The following CCDC60 variants were observed in gnomAD, a reference collection of about 807,000 sequenced individuals.
CCDC60 encodes the protein coiled-coil domain-containing protein 60.
In CCDC60, 54 loss-of-function variants were observed where a neutral mutation model predicts 63.5. The ratio of observed to expected loss-of-function variants is 0.85; its 90% CI spans 0.68 to 1.07. CCDC60 has a LOEUF of 1.07. Among genes scored for constraint, CCDC60 ranks in the 50% least tolerant of loss-of-function variants. The pLI is 0.00. For synonymous variants in CCDC60, 206 were observed against 238.8 expected, an observed-to-expected ratio of 0.86 and a Z score of 1.27; for missense variants, 651 against 684.3, an observed-to-expected ratio of 0.95 and a Z score of 0.54.
chr12:119,521,321 C>T (rs1043996293), intron 9 of CCDC60, among the ~76,000 whole-genome samples: 1 of 152,150 alleles, frequency 6.6e-6, no homozygotes, highest in African/African-American at 2.4e-5. Context: ...TCATGGACCC[C>T]TTGAATTCTA....
intron 1 of CCDC60, among the ~76,000 whole-genome samples, chr12:119,399,027 G>A (rs1956338772): frequency 6.6e-6 from 1 of 152,212 alleles, no homozygotes; most frequent in South Asian, 2.1e-4. Flanking sequence ...GAGTCACACA[G>A]TGATGACAGT....
intron 2 of CCDC60, among the ~76,000 whole-genome samples, chr12:119,444,311 T>C (rs115849025): frequency 1.3e-3 from 193 of 152,346 alleles, no homozygotes; most frequent in African/African-American, 4.4e-3. Context: ...TACTATTTAT[T>C]AGAAGTAGAG....
Position 119,507,610 on chromosome 12 carries a change from A to AT in CCDC60, c.883+2308dup, listed in dbSNP as rs1352840585. On this transcript the variant is annotated intron_variant, in intron 7 of 13. Transcript: ENST00000327554. ...TATATACATATATATATATATATAT[A>AT]TATATTTTTTTTTTTTTTTTCTAGA... Among the ~76,000 whole-genome samples the AT allele has an allele frequency of 1.7e-3, 58 of 34,726 alleles. 1 individual carries two copies. Among genetic ancestry groups the AT allele is most frequent in the Non-Finnish European group, 2.2e-3 (41 of 19,014 alleles). The allele number at this position is 34,726 out of a possible 152,430, so 22.8% of individuals were successfully genotyped here.
At chr12:119,459,906 A>C (rs1950824393) in intron 2 of CCDC60, among the ~76,000 whole-genome samples, 1 of 152,220 alleles carries the variant, frequency 6.6e-6, no homozygotes, top group African/African-American at 2.4e-5. Context: ...CTGTCCTTCC[A>C]CTTAGCTGAC....
At chr12:119,393,941 G>A (rs1956205430) in intron 1 of CCDC60, among the ~76,000 whole-genome samples, 1 of 152,210 alleles carries the variant, frequency 6.6e-6, no homozygotes, top group African/African-American at 2.4e-5. Context: ...GTTTGGTGTT[G>A]TAAAACAGTG....
chr12:119,344,836 T>TCTCTC (rs1955570756), intron 1 of CCDC60, among the ~76,000 whole-genome samples: 7 of 107,866 alleles, frequency 6.5e-5, no homozygotes, highest in African/African-American at 2.5e-4. Context: ...CTCTCTCTCT[T>TCTCTC]TCTCTCTCTC....
At position 119,455,357 on chromosome 12, in the gene CCDC60, A is replaced by G. The variant is rs1350976288; in HGVS notation, c.171-16637A>G. ...AGACAGTAAGAAAGGCAGACAAGTC[A>G]ATCAGCAATCACCATGTAGTGTGCT... is the stretch of plus-strand genomic sequence containing the variant. On this transcript the variant is annotated intron_variant, in intron 2 of 13. Coordinates refer to ENST00000327554, the MANE Select transcript of CCDC60 (RefSeq NM_178499.5). Among the ~76,000 whole-genome samples, 3 of 152,228 alleles carry G rather than the reference A, an allele frequency of 2.0e-5. No homozygotes were observed. The East Asian group carries it at 5.8e-4, about 29-fold the overall frequency.
chr12:119,389,788 G>GCA (rs142089063), intron 1 of CCDC60, among the ~76,000 whole-genome samples: 7 of 151,252 alleles, frequency 4.6e-5, no homozygotes, highest in Non-Finnish European at 8.9e-5. Flanking sequence ...ACACAGGCAT[G>GCA]CACACACACA....
intron 7 of CCDC60, among the ~76,000 whole-genome samples, chr12:119,514,333 C>T (rs947860447): frequency 4.9e-5 from 7 of 143,740 alleles, no homozygotes; most frequent in Admixed American, 2.9e-4. Flanking sequence ...CCTGCCACCA[C>T]ATCTGGCTAT....
chr12:119,418,557 G>A (rs895058637), intron 1 of CCDC60, among the ~76,000 whole-genome samples: 80 of 151,624 alleles, frequency 5.3e-4, no homozygotes, highest in African/African-American at 1.8e-3. Flanking sequence ...TGGGACTACA[G>A]GTGCACGCCA....
chr12:119,469,332 C>T (rs567182866), intron 2 of CCDC60, among the ~76,000 whole-genome samples: 20 of 152,270 alleles, frequency 1.3e-4, no homozygotes, highest in African/African-American at 4.1e-4. Context: ...CTGCAACCTC[C>T]GCCTCCTTGC....
intron 8 of CCDC60, among the ~76,000 whole-genome samples, chr12:119,518,704 C>G (rs991492152): frequency 1.3e-5 from 2 of 151,554 alleles, no homozygotes; most frequent in African/African-American, 4.9e-5. Flanking sequence ...CAATAAATGG[C>G]AGTGAGGTTG....
intron 1 of CCDC60, among the ~76,000 whole-genome samples, chr12:119,401,545 T>A (rs1213054005): frequency 6.6e-6 from 1 of 152,244 alleles, no homozygotes; most frequent in Non-Finnish European, 1.5e-5. Context: ...GACAAGGGCA[T>A]TGAGCTCAGC....
At chr12:119,403,364 G>C (rs1956428319) in intron 1 of CCDC60, among the ~76,000 whole-genome samples, 1 of 152,172 alleles carries the variant, frequency 6.6e-6, no homozygotes, top group African/African-American at 2.4e-5. Context: ...GGAGTTGACT[G>C]GAGCATCTAT....
At chr12:119,379,231 C>T (rs1355319480) in intron 1 of CCDC60, among the ~76,000 whole-genome samples, 1 of 152,252 alleles carries the variant, frequency 6.6e-6, no homozygotes, top group Non-Finnish European at 1.5e-5. Flanking sequence ...AAAATCACCC[C>T]ATGTGGGGTG....
At chr12:119,507,105 C>T (rs1952026564) in intron 7 of CCDC60, among the ~76,000 whole-genome samples, 2 of 152,184 alleles carry the variant, frequency 1.3e-5, no homozygotes, top group South Asian at 4.2e-4. Context: ...CCTGTGGCAG[C>T]CGAGGCTGGG....
At chr12:119,520,308 T>C (rs1952489608) in intron 9 of CCDC60, 116 bp downstream of exon 9, 4 of 843,794 alleles carry the variant, frequency 4.7e-6, no homozygotes, top group African/African-American at 1.7e-5. Context: ...AGAGGGAACT[T>C]TTTCCTTCTT....
At chr12:119,463,387 G>A (rs1047225563) in intron 2 of CCDC60, among the ~76,000 whole-genome samples, 1 of 152,194 alleles carries the variant, frequency 6.6e-6, no homozygotes, top group South Asian at 2.1e-4. Context: ...ACCAACCAGC[G>A]CAGTGCACAG....
chr12:119,357,398 C>A lies in CCDC60; in HGVS notation c.90+22132C>A, dbSNP rs145975988. 3.1e-3 allele frequency among the ~76,000 whole-genome samples: 466 copies of A among 152,114 alleles called. 5 individuals are homozygous for A. Among genetic ancestry groups the A allele is most frequent in the African/African-American group, 0.011 (442 of 41,490 alleles). On this transcript the variant is annotated intron_variant, in intron 1 of 13. Transcript: ENST00000327554. ...CACCAACCTCTCTCCATTCCCAACA[C>A]CCACACCCATATCTTTCCCAGGCTC... is the stretch of plus-strand genomic sequence containing the variant.
Sources: gnomAD v4.1 joint callset for allele counts (sites outside exome capture counted in the v4.1 genomes callset) on GRCh38, gnomAD v4.1.1 for gene constraint, MANE v1.5 for transcripts, NCBI Gene and HGNC (gene_info 2026-07-23, HGNC 2026-07-21) for gene names.